Variants in NDUFAF5 observed in about 807,000 individuals in gnomAD.
NDUFAF5 encodes NADH:ubiquinone oxidoreductase complex assembly factor 5, also known as arginine-hydroxylase NDUFAF5, mitochondrial.
NDUFAF5 carries 34 observed loss-of-function variants against 48.9 expected under a neutral mutation model. The ratio of observed to expected loss-of-function variants is 0.70; its 90% CI spans 0.53 to 0.93. The LOEUF is 0.93. Ranked by LOEUF, NDUFAF5 falls within the 40% of genes least tolerant of loss-of-function variation. The probability of loss-of-function intolerance (pLI) is 0.00; values close to 1 mark genes in which losing one functional copy is unlikely to be tolerated. For synonymous variants in NDUFAF5, 153 were observed against 150.6 expected (o/e 1.02, Z -0.12); for missense variants, 428 against 427.5 (o/e 1.00, Z -0.01).
rs111567616 is a variant in NDUFAF5, at chr20:13,808,361, G to T, written c.718-481G>T. ...TTCATTTGAGAAACAAACTCCACAT[G>T]TATCAGCAATGTGCTCATTTCCTAA... On this transcript the variant is annotated intron_variant, in intron 7 of 10. Coordinates refer to ENST00000378106, the MANE Select transcript of NDUFAF5 (RefSeq NM_024120.5). Among the ~76,000 whole-genome samples the T allele has an allele frequency of 1.0e-3, 152 of 152,226 alleles. 1 individual carries two copies. The highest frequency in any genetic ancestry group is 3.2e-3 in the African/African-American group (134 of 41,536).
At chr20:13,789,892 T>C (rs1157896626) in intron 3 of NDUFAF5, among the ~76,000 whole-genome samples, 5 of 152,042 alleles carry the variant, frequency 3.3e-5, no homozygotes, top group Non-Finnish European at 4.4e-5. Flanking sequence ...GTAAATGCCA[T>C]AGAAATGGTG....
At chr20:13,806,453 G>A (rs1488538395) in intron 7 of NDUFAF5, among the ~76,000 whole-genome samples, 4 of 152,208 alleles carry the variant, frequency 2.6e-5, no homozygotes. Context: ...AGGTTGCAGT[G>A]AGCCGAGATC....
rs1203130099 is a variant in NDUFAF5, at chr20:13,788,653, G to T, written c.327+1G>T. On this transcript the variant is annotated splice_donor_variant, in intron 3 of 10. Coordinates refer to ENST00000378106, the MANE Select transcript of NDUFAF5 (RefSeq NM_024120.5). LOFTEE classifies it high-confidence loss of function. ...TTACATTGCACAATATTTGAATAAG[G>T]TATATTTATTCAATGACCTAATTTA... The T allele has an allele frequency of 1.9e-6, 3 of 1,589,836 alleles. No homozygotes were observed. The highest frequency in any genetic ancestry group is 2.6e-6 in the Non-Finnish European group (3 of 1,158,426).
chr20:13,785,545 C>T (rs1391745998), intron 1 of NDUFAF5, among the ~76,000 whole-genome samples: 2 of 152,224 alleles, frequency 1.3e-5, no homozygotes, highest in Admixed American at 6.5e-5. Flanking sequence ...TCCAGTGAAG[C>T]TCCGGAGAGG....
rs1986977880 is a variant in NDUFAF5, at chr20:13,821,522, T to G, written c.*4312T>G. 6.6e-6 allele frequency: 1 copy of G among 152,252 alleles called. No individual in the cohort carries two copies. The highest frequency in any genetic ancestry group is 1.5e-5 in the Non-Finnish European group (1 of 68,050). The allele number at this position is 152,252 out of a possible 1,614,324, so 9.4% of individuals were successfully genotyped here. Reference sequence around the variant, plus strand: ...AGACCCTGAGCTAGAACCACCTAGCTAAGCCACTCTCAAATATCTTATCTA... The same window carrying G: ...AGACCCTGAGCTAGAACCACCTAGCGAAGCCACTCTCAAATATCTTATCTA... On this transcript the variant is annotated 3_prime_UTR_variant, in exon 11 of 11. Coordinates refer to ENST00000378106, the MANE Select transcript of NDUFAF5 (RefSeq NM_024120.5).
In NDUFAF5 at chr20:13,801,489, C is replaced by A; in HGVS notation, c.523C>A (p.His175Asn). 1 of 1,599,176 alleles carries A rather than the reference C, an allele frequency of 6.3e-7. No individual in the cohort carries two copies. The highest frequency in any genetic ancestry group is 1.1e-5 in the South Asian group (1 of 89,702). ...NDLPRALEQI[H>N]YILKPDGVFI... ...TGTTTTCTTGTATTTATTACAGATT[C>A]ATTATATTTTAAAACCAGATGGAGT... Residue 175 changes from histidine to asparagine, a missense_variant, in exon 7 of 11, where the codon CAT becomes AAT. Physicochemically the swap from His to Asn is moderately conservative, Grantham distance 68 (BLOSUM62 1). Coordinates refer to ENST00000378106, the MANE Select transcript of NDUFAF5 (RefSeq NM_024120.5).
intron 7 of NDUFAF5, among the ~76,000 whole-genome samples, chr20:13,802,421 C>T (rs960741777): frequency 6.6e-6 from 1 of 152,114 alleles, no homozygotes. Context: ...GTAATCCCAG[C>T]ACTTTGGGAG....
At chr20:13,812,468 T>C (rs938735966) in intron 8 of NDUFAF5, among the ~76,000 whole-genome samples, 1 of 152,186 alleles carries the variant, frequency 6.6e-6, no homozygotes, top group African/African-American at 2.4e-5. Flanking sequence ...ATAATAAAAA[T>C]GTTATTCAAA....
At chr20:13,787,538 G>GA (rs1167027203) in intron 2 of NDUFAF5, among the ~76,000 whole-genome samples, 186 bp downstream of exon 2, 1 of 152,106 alleles carries the variant, frequency 6.6e-6, no homozygotes, top group Non-Finnish European at 1.5e-5. Context: ...ATTGTTGCCT[G>GA]AAAAAAGAAA....
chr20:13,801,439 A>G, intron 6 of NDUFAF5, 47 bp from the exon 7 acceptor site: 4 of 1,228,258 alleles, frequency 3.3e-6, no homozygotes, highest in Non-Finnish European at 4.6e-6. Context: ...TTTAACATTT[A>G]TATATATAAA....
intron 8 of NDUFAF5, among the ~76,000 whole-genome samples, chr20:13,812,260 T>C (rs1985967614): frequency 6.6e-6 from 1 of 152,156 alleles, no homozygotes; most frequent in Admixed American, 6.5e-5. Context: ...AATCTTACCA[T>C]TGTCATCAGT....
intron 7 of NDUFAF5, among the ~76,000 whole-genome samples, chr20:13,803,865 A>G (rs1984595431): frequency 6.6e-6 from 1 of 151,964 alleles, no homozygotes; most frequent in Non-Finnish European, 1.5e-5. Flanking sequence ...GGCCCACCAC[A>G]ATCTCTCCCT....
rs960082219 is a variant in NDUFAF5, at chr20:13,819,698, TATC to T, written c.*2491_*2493del. 4.6e-5 allele frequency: 7 copies of T among 152,206 alleles called. No homozygotes were observed. Among genetic ancestry groups the T allele is most frequent in the Non-Finnish European group, 1.0e-4 (7 of 68,056 alleles). The allele number at this position is 152,206 out of a possible 1,614,324, so 9.4% of individuals were successfully genotyped here. The stretch of plus-strand genomic sequence containing the variant: ...CATTTCTTGATAACCCCACAGATAA[TATC>T]ATAAACTCAAGTTGTCTGTATTGCT... On this transcript the variant is annotated 3_prime_UTR_variant, in exon 11 of 11. Coordinates refer to ENST00000378106, the MANE Select transcript of NDUFAF5 (RefSeq NM_024120.5).
chr20:13,803,374 T>C (rs1984508115), intron 7 of NDUFAF5: 1 of 152,222 alleles, frequency 6.6e-6, no homozygotes, highest in South Asian at 2.1e-4. Context: ...TTCACATGAG[T>C]GCTCTACTTT....
chr20:13,805,217 G>A (rs1383455377), intron 7 of NDUFAF5, among the ~76,000 whole-genome samples: 3 of 152,170 alleles, frequency 2.0e-5, no homozygotes, highest in Admixed American at 2.0e-4. Context: ...AAATTTATAC[G>A]AGGTCATACA....
Position 13,801,688 on chromosome 20 carries a change from C to T in NDUFAF5, c.717+5C>T. On this transcript the variant is annotated splice_donor_5th_base_variant and intron_variant, in intron 7 of 10. Transcript: ENST00000378106. ...GGCTTTAATACTCTGACTGTGGTAA[C>T]TATCAAGTTCGATTAACCCATAACT... 6.2e-7 allele frequency: 1 copy of T among 1,612,148 alleles called. No individual in the cohort carries two copies. Among genetic ancestry groups the T allele is most frequent in the Non-Finnish European group, 8.5e-7 (1 of 1,178,348 alleles).
At chr20:13,792,386 G>C (rs143862121) in intron 3 of NDUFAF5, among the ~76,000 whole-genome samples, 70 of 152,338 alleles carry the variant, frequency 4.6e-4, no homozygotes, top group African/African-American at 1.6e-3. Context: ...GTAGGCTGTT[G>C]ACAATGCTGT....
chr20:13,794,840 A>C lies in NDUFAF5; in HGVS notation c.378A>C (p.Lys126Asn). The C allele has an allele frequency of 6.3e-7, 1 of 1,595,660 alleles. No individual in the cohort carries two copies. Residue 126 changes from lysine to asparagine, a missense_variant and splice_region_variant, in exon 5 of 11, where the codon AAA (lysine) becomes AAC (asparagine). Transcript: ENST00000378106. ...ATCTTTCGTTTTCTTAACATTAGAA[A>C]AATTCCTCAGAAACAGAAATACCTA... Reference protein sequence around the residue: ...FQADIAENALKNSSETEIPTV... With the variant: ...FQADIAENALNNSSETEIPTV...
chr20:13,786,380 G>A (rs1402883083), intron 1 of NDUFAF5, among the ~76,000 whole-genome samples: 3 of 152,146 alleles, frequency 2.0e-5, no homozygotes, highest in Admixed American at 2.0e-4. Flanking sequence ...TGCTGATGTC[G>A]TGTACTTAGA....
Sources: allele counts gnomAD v4.1 joint callset (sites outside exome capture counted in the v4.1 genomes callset), GRCh38; gene constraint gnomAD v4.1.1; transcripts MANE v1.5; gene names NCBI Gene and HGNC (gene_info 2026-07-23, HGNC 2026-07-21).